CEP85L: variants seen among roughly 807,000 people sequenced by gnomAD.
CEP85L encodes the protein centrosomal protein of 85 kDa-like.
A neutral mutation model predicts 100.3 loss-of-function variants in CEP85L; 60 were observed. The observed-to-expected ratio is 0.60, with a 90% CI of 0.49 to 0.74. The LOEUF is 0.74. Among genes scored for constraint, CEP85L ranks in the 30% least tolerant of loss-of-function variants. CEP85L has a pLI of 0.00. For missense variants in CEP85L, 973 were observed against 936.2 expected (o/e 1.04, Z -0.51); for synonymous variants, 319 against 322.7 (o/e 0.99, Z 0.12).
chr6:118,535,197 G>C (rs532619137), intron 3 of CEP85L, among the ~76,000 whole-genome samples: 6 of 152,158 alleles, frequency 3.9e-5, no homozygotes, highest in African/African-American at 1.2e-4. Context: ...GTACTATTCA[G>C]CACACACAGG....
intron 1 of CEP85L, among the ~76,000 whole-genome samples, chr6:118,708,174 A>G (rs1777663687): frequency 6.6e-6 from 1 of 152,244 alleles, no homozygotes; most frequent in Non-Finnish European, 1.5e-5. Flanking sequence ...CTATATTGCC[A>G]TCACTTCACA....
intron 2 of CEP85L, among the ~76,000 whole-genome samples, chr6:118,572,310 C>T (rs1779945546): frequency 7.2e-6 from 1 of 138,530 alleles, no homozygotes; most frequent in South Asian, 2.4e-4. Flanking sequence ...ATTCCTAGCA[C>T]TTTGGGAAGC....
At chr6:118,469,741 A>G (rs1186236314) in intron 11 of CEP85L, among the ~76,000 whole-genome samples, 1 of 152,124 alleles carries the variant, frequency 6.6e-6, no homozygotes, top group Admixed American at 6.6e-5. Context: ...ATCTGGGACC[A>G]CAGGTAAACA....
intron 1 of CEP85L, among the ~76,000 whole-genome samples, chr6:118,648,935 A>G (rs1353163129): frequency 6.6e-6 from 1 of 152,164 alleles, no homozygotes; most frequent in African/African-American, 2.4e-5. Context: ...GACAAGTCCA[A>G]TTTTAGGGCT....
At chr6:118,575,486 A>G (rs1223970547) in intron 2 of CEP85L, among the ~76,000 whole-genome samples, 1 of 152,162 alleles carries the variant, frequency 6.6e-6, no homozygotes, top group Admixed American at 6.5e-5. Flanking sequence ...CTGTCATCCT[A>G]TATCCCCTAA....
intron 10 of CEP85L, among the ~76,000 whole-genome samples, chr6:118,477,989 G>A (rs1773510887): frequency 6.6e-6 from 1 of 152,060 alleles, no homozygotes; most frequent in Non-Finnish European, 1.5e-5. Context: ...ATCTACATAG[G>A]TATAAGCTGA....
intron 1 of CEP85L, among the ~76,000 whole-genome samples, chr6:118,670,557 C>T (rs931405019): frequency 1.3e-5 from 2 of 150,704 alleles, no homozygotes; most frequent in African/African-American, 2.4e-5. Flanking sequence ...GCTTCATTGT[C>T]GCACTAAGCA....
intron 2 of CEP85L, among the ~76,000 whole-genome samples, chr6:118,572,755 C>T (rs2115034356): frequency 6.6e-6 from 1 of 152,112 alleles, no homozygotes; most frequent in South Asian, 2.1e-4. Flanking sequence ...ACAATACAAA[C>T]ATATTAATCT....
intron 2 of CEP85L, among the ~76,000 whole-genome samples, chr6:118,585,407 AGAT>A (rs1780799925): frequency 6.6e-6 from 1 of 152,246 alleles, no homozygotes; most frequent in Non-Finnish European, 1.5e-5. Flanking sequence ...AAAAGGGAAC[AGAT>A]GAGGTAGCCA....
intron 10 of CEP85L, among the ~76,000 whole-genome samples, chr6:118,479,613 GT>G (rs902028189): frequency 6.6e-5 from 10 of 151,956 alleles, no homozygotes; most frequent in African/African-American, 2.4e-4. Context: ...TATTGGTTTT[GT>G]ATTCTCTCCA....
chr6:118,655,192 AGGACACCTTAT>A (rs1261831658), upstream of CEP85L, among the ~76,000 whole-genome samples: 1 of 152,228 alleles, frequency 6.6e-6, no homozygotes, highest in Admixed American at 6.5e-5. Context: ...GGCCAAGACA[AGGACACCTTAT>A]CTCAAGTCCC....
intron 2 of CEP85L, among the ~76,000 whole-genome samples, chr6:118,623,257 T>C (rs370848192): frequency 1.3e-5 from 2 of 152,204 alleles, no homozygotes; most frequent in African/African-American, 4.8e-5. Context: ...AATAGGGCAC[T>C]ATCCTGTAGA....
chr6:118,477,969 G>T (rs865897665), intron 10 of CEP85L, among the ~76,000 whole-genome samples: 6 of 152,050 alleles, frequency 3.9e-5, no homozygotes, highest in Non-Finnish European at 1.5e-5. Context: ...CATATGGAAA[G>T]GACATCATAA....
At chr6:118,498,080 C>T (rs1215972250) in intron 5 of CEP85L, among the ~76,000 whole-genome samples, 1 of 152,156 alleles carries the variant, frequency 6.6e-6, no homozygotes, top group Non-Finnish European at 1.5e-5. Context: ...TGTAGGGTTA[C>T]TTGACAGCAG....
intron 11 of CEP85L, among the ~76,000 whole-genome samples, chr6:118,470,088 C>T (rs181136074): frequency 2.1e-3 from 314 of 151,460 alleles, no homozygotes; most frequent in Non-Finnish European, 2.7e-3. Flanking sequence ...AACTTCGGTG[C>T]GAGAGACAAA....
At chr6:118,581,070 A>G (rs1780548494) in intron 2 of CEP85L, among the ~76,000 whole-genome samples, 1 of 152,186 alleles carries the variant, frequency 6.6e-6, no homozygotes. Context: ...CTAACACTGC[A>G]GCTTCCTTTT....
intron 2 of CEP85L, among the ~76,000 whole-genome samples, chr6:118,582,193 T>C (rs1220627734): frequency 6.6e-6 from 1 of 152,182 alleles, no homozygotes; most frequent in Admixed American, 6.5e-5. Context: ...CTCTCCCCGC[T>C]TCATTCTTAC....
rs576229451 is a variant in CEP85L, at chr6:118,460,941, C to T, written c.*4464G>A. 1 of 150,694 alleles carries T rather than the reference C, an allele frequency of 6.6e-6. No individual in the cohort carries two copies. The highest frequency in any genetic ancestry group is 2.1e-4 in the South Asian group (1 of 4,764). The allele number at this position is 150,694 out of a possible 1,614,324, so 9.3% of individuals were successfully genotyped here. A position where few individuals can be genotyped will look rare whatever the true frequency, so the allele number is the denominator to read the frequency against. ...TAAACCCTATTAAAAAACAGAACAA[C>T]AAGAAGAAAACCCCTTTACAAAAAA... On this transcript the variant is annotated 3_prime_UTR_variant, in exon 13 of 13. Coordinates refer to ENST00000368491, the MANE Select transcript of CEP85L (RefSeq NM_001042475.3).
intron 1 of CEP85L, among the ~76,000 whole-genome samples, chr6:118,687,286 C>T (rs528810566): frequency 8.9e-4 from 135 of 152,254 alleles, no homozygotes; most frequent in African/African-American, 3.1e-3. Flanking sequence ...AGTGCAATGG[C>T]GTGATCTCAG....
Sources: gnomAD v4.1 joint callset for allele counts (sites outside exome capture counted in the v4.1 genomes callset) on GRCh38, gnomAD v4.1.1 for gene constraint, MANE v1.5 for transcripts, NCBI Gene and HGNC (gene_info 2026-07-23, HGNC 2026-07-21) for gene names.